The following KAZN variants were observed in gnomAD, a reference collection of about 807,000 sequenced individuals.
KAZN encodes the protein kazrin.
A neutral mutation model predicts 87.4 loss-of-function variants in KAZN; 40 were observed. The ratio of observed to expected loss-of-function variants is 0.46; its 90% confidence interval spans 0.36 to 0.60. KAZN has a LOEUF of 0.60. Ranked by LOEUF, KAZN falls within the 20% of genes least tolerant of loss-of-function variation. KAZN has a pLI of 0.00. For synonymous variants in KAZN, 466 were observed against 458.3 expected (o/e 1.02, Z -0.22); for missense variants, 898 against 1,073.9 (o/e 0.84, Z 2.29).
At chr1:14,764,801 T>C (rs2100564340) in intron 1 of KAZN, among the ~76,000 whole-genome samples, 1 of 152,306 alleles carries the variant, frequency 6.6e-6, no homozygotes. Flanking sequence ...GGAAGGATTC[T>C]AGTTTCATGA....
At chr1:14,462,202 G>A (rs1269508421) in intron 2 of KAZN, among the ~76,000 whole-genome samples, 1 of 151,718 alleles carries the variant, frequency 6.6e-6, no homozygotes, top group Non-Finnish European at 1.5e-5. Flanking sequence ...TAAGAGACAG[G>A]AGTAAACTGC....
At chr1:14,443,685 T>C (rs143284367) in intron 2 of KAZN, among the ~76,000 whole-genome samples, 2,337 of 152,322 alleles carry the variant, frequency 0.015, 28 homozygotes, top group South Asian at 0.035. Context: ...CCCCAGTGAC[T>C]CACTCCTCTC....
At chr1:15,063,753 G>T in intron 7 of KAZN, 131 bp downstream of exon 7, 2 of 751,562 alleles carry the variant, frequency 2.7e-6, no homozygotes, top group Admixed American at 4.0e-5. Flanking sequence ...CACTTCCGCT[G>T]AGCCCACGTC....
At chr1:14,418,080 C>T (rs112504914) in intron 2 of KAZN, among the ~76,000 whole-genome samples, 1 of 143,918 alleles carries the variant, frequency 6.9e-6, no homozygotes, top group Non-Finnish European at 1.5e-5. Flanking sequence ...TAGACATGTC[C>T]CCTCCCAGGA....
chr1:14,331,912 AT>A (rs1387955321), intron 2 of KAZN, among the ~76,000 whole-genome samples: 1 of 152,154 alleles, frequency 6.6e-6, no homozygotes, highest in African/African-American at 2.4e-5. Flanking sequence ...ATATCATGCT[AT>A]ATATAAAATT....
At chr1:15,104,267 C>T in intron 13 of KAZN, 78 bp downstream of exon 13, 1 of 1,374,816 alleles carries the variant, frequency 7.3e-7, no homozygotes, top group Non-Finnish European at 9.7e-7. Flanking sequence ...GATGGTCCAG[C>T]TCCCCATCCT....
chr1:14,155,942 A>T (rs537519543), intron 1 of KAZN, among the ~76,000 whole-genome samples: 1 of 151,678 alleles, frequency 6.6e-6, no homozygotes, highest in African/African-American at 2.4e-5. Flanking sequence ...GAGCCCAGAT[A>T]TTTTTCTTCT....
At chr1:14,506,675 A>T (rs1054747001) in intron 2 of KAZN, among the ~76,000 whole-genome samples, 2 of 152,232 alleles carry the variant, frequency 1.3e-5, no homozygotes, top group African/African-American at 4.8e-5. Flanking sequence ...CTGACACATC[A>T]TAAGTGCCCG....
At chr1:14,645,590 T>C (rs1680749090) in intron 1 of KAZN, among the ~76,000 whole-genome samples, 1 of 152,230 alleles carries the variant, frequency 6.6e-6, no homozygotes, top group Non-Finnish European at 1.5e-5. Context: ...TTTTGTACAT[T>C]GATTTTGTAT....
intron 2 of KAZN, among the ~76,000 whole-genome samples, chr1:14,444,609 G>A (rs574220384): frequency 1.4e-3 from 210 of 152,172 alleles, no homozygotes; most frequent in Non-Finnish European, 2.5e-3. Flanking sequence ...CACCGCGTCC[G>A]GCCCGATTCT....
chr1:14,921,426 T>C (rs1457637464), intron 1 of KAZN, among the ~76,000 whole-genome samples: 2 of 152,216 alleles, frequency 1.3e-5, no homozygotes, highest in African/African-American at 4.8e-5. Context: ...CTTCCTCCCT[T>C]TCCTTCTTAA....
chr1:15,038,859 C>T (rs906522471), intron 3 of KAZN, among the ~76,000 whole-genome samples: 8 of 88,538 alleles, frequency 9.0e-5, no homozygotes, highest in East Asian at 6.6e-4. Flanking sequence ...CAACAGCAGA[C>T]GTTTATTGTG....
chr1:14,394,126 C>G (rs970200740), intron 2 of KAZN, among the ~76,000 whole-genome samples: 24 of 152,322 alleles, frequency 1.6e-4, no homozygotes, highest in African/African-American at 5.3e-4. Context: ...GACCCCCCCA[C>G]ACACATGCCA....
chr1:13,974,618 GA>G (rs1638232843), intron 1 of KAZN, among the ~76,000 whole-genome samples: 1 of 152,196 alleles, frequency 6.6e-6, no homozygotes, highest in African/African-American at 2.4e-5. Flanking sequence ...GCTGAGATGG[GA>G]ATGCTGCTGC....
At chr1:13,942,151 T>C (rs1482225729) in intron 1 of KAZN, among the ~76,000 whole-genome samples, 2 of 152,162 alleles carry the variant, frequency 1.3e-5, no homozygotes, top group Non-Finnish European at 2.9e-5. Context: ...CAGAAAAGAC[T>C]AAAGCCCAGC....
chr1:14,489,696 T>C (rs984546737), intron 2 of KAZN, among the ~76,000 whole-genome samples: 17 of 150,854 alleles, frequency 1.1e-4, no homozygotes, highest in Non-Finnish European at 1.5e-5. Context: ...ATTGCACCAC[T>C]GCACTCCAGC....
intron 1 of KAZN, among the ~76,000 whole-genome samples, chr1:14,688,845 G>A (rs1268780477): frequency 6.6e-6 from 1 of 152,200 alleles, no homozygotes; most frequent in Non-Finnish European, 1.5e-5. Flanking sequence ...CAGCTGAGAG[G>A]ACAAATTTGG....
intron 1 of KAZN, among the ~76,000 whole-genome samples, chr1:14,104,651 G>A (rs1461296475): frequency 2.0e-5 from 3 of 152,124 alleles, no homozygotes; most frequent in Non-Finnish European, 2.9e-5. Context: ...ATTCCATCAC[G>A]AACTACTTCT....
At chr1:14,972,578 C>T (rs1047621570) in intron 2 of KAZN, among the ~76,000 whole-genome samples, 2 of 151,480 alleles carry the variant, frequency 1.3e-5, no homozygotes, top group Non-Finnish European at 2.9e-5. Context: ...TGCAATGGCA[C>T]AATCTCAGCT....
Sources: allele counts gnomAD v4.1 joint callset (sites outside exome capture counted in the v4.1 genomes callset), GRCh38; gene constraint gnomAD v4.1.1; transcripts MANE v1.5; gene names NCBI Gene and HGNC (gene_info 2026-07-23, HGNC 2026-07-21).